Variants in PDZRN4 observed in about 807,000 individuals in gnomAD.
PDZRN4 encodes PDZ domain containing ring finger 4, also known as PDZ domain-containing RING finger protein 4.
PDZRN4 carries 70 observed loss-of-function variants against 99.0 expected under a neutral mutation model. The observed-to-expected ratio is 0.71, with a 90% CI of 0.58 to 0.86. PDZRN4 has a LOEUF of 0.86. Ranked by LOEUF, PDZRN4 falls within the 40% of genes least tolerant of loss-of-function variation. The pLI is 0.00. For synonymous variants in PDZRN4, 551 were observed against 501.6 expected, an observed-to-expected ratio of 1.10 and a Z score of -1.32; for missense variants, 1,474 against 1,331.2, an observed-to-expected ratio of 1.11 and a Z score of -1.67.
In PDZRN4 at chr12:41,478,827, A is replaced by G. The variant is rs539847525; in HGVS notation, c.844-27629A>G. 2.0e-5 allele frequency among the ~76,000 whole-genome samples: 3 copies of G among 152,248 alleles called. No individual in the cohort carries two copies. The East Asian group carries it at 5.8e-4, about 29-fold the overall frequency. On this transcript the variant is annotated intron_variant, in intron 3 of 9. Transcript: ENST00000402685. ...TATCCAGGGAGTTCTCCTAGGAAAA[A>G]TTGATGAAGCTATGCTAATGTTTGA...
intron 3 of PDZRN4, among the ~76,000 whole-genome samples, chr12:41,368,879 G>A (rs1197809262): frequency 4.4e-4 from 67 of 152,130 alleles, no homozygotes; most frequent in Non-Finnish European, 7.4e-5. Flanking sequence ...CTGGCTGCAC[G>A]TTTCTTATGG....
chr12:41,377,052 A>C (rs964316841), intron 3 of PDZRN4, among the ~76,000 whole-genome samples: 1 of 151,814 alleles, frequency 6.6e-6, no homozygotes, highest in African/African-American at 2.4e-5. Context: ...GCCTGGGTTT[A>C]TTTTTCAGCT....
At chr12:41,479,716 T>C (rs1052096914) in intron 3 of PDZRN4, among the ~76,000 whole-genome samples, 2 of 152,184 alleles carry the variant, frequency 1.3e-5, no homozygotes, top group African/African-American at 4.8e-5. Context: ...GATCTCTTTA[T>C]AGAAACATGT....
At chr12:41,496,357 C>T (rs781621497) in intron 3 of PDZRN4, among the ~76,000 whole-genome samples, 5 of 152,076 alleles carry the variant, frequency 3.3e-5, no homozygotes, top group Non-Finnish European at 7.4e-5. Context: ...AGCACTGTGC[C>T]GGCTCCCCTA....
At chr12:41,310,435 T>C (rs1188138411) in intron 3 of PDZRN4, among the ~76,000 whole-genome samples, 1 of 152,196 alleles carries the variant, frequency 6.6e-6, no homozygotes, top group Non-Finnish European at 1.5e-5. Flanking sequence ...TTTTTCACCT[T>C]GTGACTTTCA....
intron 7 of PDZRN4, among the ~76,000 whole-genome samples, chr12:41,562,210 A>G (rs779147262): frequency 3.4e-4 from 52 of 152,138 alleles, no homozygotes; most frequent in Admixed American, 9.2e-4. Context: ...CCATATATAT[A>G]TATTTTTACT....
At chr12:41,218,734 T>A (rs1178496323) in intron 3 of PDZRN4, among the ~76,000 whole-genome samples, 1 of 152,096 alleles carries the variant, frequency 6.6e-6, no homozygotes, top group Non-Finnish European at 1.5e-5. Context: ...AAGATTAAAG[T>A]ATGTTCAAAT....
At chr12:41,382,012 A>G (rs1338941364) in intron 3 of PDZRN4, among the ~76,000 whole-genome samples, 1 of 152,020 alleles carries the variant, frequency 6.6e-6, no homozygotes, top group African/African-American at 2.4e-5. Context: ...CCACTGGCTG[A>G]CTCCATAGTC....
intron 5 of PDZRN4, among the ~76,000 whole-genome samples, chr12:41,537,366 C>T (rs1938766745): frequency 6.6e-6 from 1 of 152,158 alleles, no homozygotes; most frequent in African/African-American, 2.4e-5. Flanking sequence ...AATACATTTG[C>T]TCTATCCTTT....
chr12:41,253,006 C>G (rs754765463), intron 3 of PDZRN4, among the ~76,000 whole-genome samples: 1 of 151,990 alleles, frequency 6.6e-6, no homozygotes, highest in Admixed American at 6.6e-5. Flanking sequence ...TGTGTAAGAA[C>G]AAATGAATAT....
chr12:41,359,420 A>C (rs1490597409), intron 3 of PDZRN4, among the ~76,000 whole-genome samples: 1 of 151,982 alleles, frequency 6.6e-6, no homozygotes, highest in African/African-American at 2.4e-5. Context: ...GGAGTTAAGA[A>C]ACAGAACCTT....
At chr12:41,338,484 T>G (rs1417477822) in intron 3 of PDZRN4, among the ~76,000 whole-genome samples, 3 of 150,488 alleles carry the variant, frequency 2.0e-5, no homozygotes, top group Non-Finnish European at 2.9e-5. Context: ...GAAAGAGAGA[T>G]TTTTAAAAAC....
At chr12:41,382,771 T>C (rs1471976528) in intron 3 of PDZRN4, among the ~76,000 whole-genome samples, 2 of 152,236 alleles carry the variant, frequency 1.3e-5, no homozygotes, top group Non-Finnish European at 2.9e-5. Flanking sequence ...ACAACTATTC[T>C]TTTAATTTAT....
intron 5 of PDZRN4, among the ~76,000 whole-genome samples, chr12:41,549,561 G>A (rs1403899705): frequency 6.6e-6 from 1 of 152,168 alleles, no homozygotes; most frequent in African/African-American, 2.4e-5. Flanking sequence ...GTGTGAGGTG[G>A]TTTGCAGGTT....
intron 3 of PDZRN4, among the ~76,000 whole-genome samples, chr12:41,472,506 C>A (rs914711473): frequency 2.1e-4 from 32 of 152,058 alleles, no homozygotes; most frequent in Admixed American, 8.5e-4. Context: ...CTCAAATGAT[C>A]TTTTATTAAT....
At chr12:41,426,262 C>T (rs1476374798) in intron 3 of PDZRN4, among the ~76,000 whole-genome samples, 1 of 151,954 alleles carries the variant, frequency 6.6e-6, no homozygotes, top group Non-Finnish European at 1.5e-5. Flanking sequence ...TAGATAGGTT[C>T]GGTGGGGGCT....
At position 41,465,224 on chromosome 12, in the gene PDZRN4, C is replaced by A. The variant is rs559845049; in HGVS notation, c.844-41232C>A. ...CTCTAAGGGCGTAAGAATCATCTACCAATGCCCTTCTACTTACATGGTTTG... is the reference window on the plus strand; with the variant it reads ...CTCTAAGGGCGTAAGAATCATCTACAAATGCCCTTCTACTTACATGGTTTG... On this transcript the variant is annotated intron_variant, in intron 3 of 9. Transcript: ENST00000402685. Among the ~76,000 whole-genome samples the A allele has an allele frequency of 2.0e-5, 3 of 152,272 alleles. No homozygotes were observed. In the East Asian group the frequency reaches 5.8e-4, roughly 29 times the overall value.
intron 3 of PDZRN4, among the ~76,000 whole-genome samples, chr12:41,505,135 G>A (rs1013222030): frequency 6.6e-6 from 1 of 152,088 alleles, no homozygotes; most frequent in African/African-American, 2.4e-5. Flanking sequence ...GTGCCCATTC[G>A]AATGTCAGCA....
chr12:41,235,026 A>G (rs1237156021), intron 3 of PDZRN4, among the ~76,000 whole-genome samples: 1 of 152,116 alleles, frequency 6.6e-6, no homozygotes, highest in Non-Finnish European at 1.5e-5. Flanking sequence ...GGTTACCTAA[A>G]CACACAGTCC....
Sources: gnomAD v4.1 joint callset for allele counts (sites outside exome capture counted in the v4.1 genomes callset) on GRCh38, gnomAD v4.1.1 for gene constraint, MANE v1.5 for transcripts, NCBI Gene and HGNC (gene_info 2026-07-23, HGNC 2026-07-21) for gene names.